The following DPY30 variants were observed in gnomAD, a reference collection of about 807,000 sequenced individuals.
DPY30 encodes the protein protein dpy-30 homolog.
DPY30 carries 6 observed loss-of-function variants against 16.2 expected under a neutral mutation model. The ratio of observed to expected loss-of-function variants is 0.37; its 90% CI spans 0.20 to 0.73. DPY30 has a LOEUF of 0.73. Ranked by LOEUF, DPY30 falls within the 30% of genes least tolerant of loss-of-function variation. DPY30 has a pLI of 0.51. For synonymous variants in DPY30, 39 were observed against 38.8 expected (o/e 1.00, Z -0.02); for missense variants, 73 against 113.1 (o/e 0.65, Z 1.61).
At chr2:32,034,625 C>G (rs1262564848) in intron 3 of DPY30, among the ~76,000 whole-genome samples, 1 of 152,142 alleles carries the variant, frequency 6.6e-6, no homozygotes, top group African/African-American at 2.4e-5. Flanking sequence ...AATATCCAAA[C>G]TATATTACAC....
intron 4 of DPY30, among the ~76,000 whole-genome samples, chr2:32,026,728 C>CAGTG (rs1467784470): frequency 6.6e-6 from 1 of 151,892 alleles, no homozygotes; most frequent in Non-Finnish European, 1.5e-5. Flanking sequence ...GCGGAGGTTG[C>CAGTG]AGTGAGCTGA....
intron 3 of DPY30, among the ~76,000 whole-genome samples, chr2:32,031,831 T>G (rs1321052849): frequency 6.6e-6 from 1 of 151,570 alleles, no homozygotes; most frequent in Non-Finnish European, 1.5e-5. Flanking sequence ...AGGCAGAGGT[T>G]GCAGTGAGCC....
chr2:32,038,671 A>G (rs1675847129), intron 3 of DPY30, among the ~76,000 whole-genome samples: 1 of 106,548 alleles, frequency 9.4e-6, no homozygotes, highest in Non-Finnish European at 1.8e-5. Flanking sequence ...TTTTTTTGAG[A>G]CGGAGTCTCA....
chr2:32,038,413 G>GA (rs1433443480), intron 3 of DPY30, among the ~76,000 whole-genome samples: 1 of 103,404 alleles, frequency 9.7e-6, no homozygotes, highest in African/African-American at 3.5e-5. Flanking sequence ...ATTTTGAGGG[G>GA]GGGGGGGGCG....
intron 4 of DPY30, among the ~76,000 whole-genome samples, chr2:32,027,970 T>A (rs1168396638): frequency 6.6e-6 from 1 of 152,170 alleles, no homozygotes; most frequent in Non-Finnish European, 1.5e-5. Context: ...AGCCAAGATA[T>A]AGCTCAGTCA....
At chr2:32,016,718 C>G (rs1406935085) in intron 5 of DPY30, among the ~76,000 whole-genome samples, 1 of 152,048 alleles carries the variant, frequency 6.6e-6, no homozygotes, top group Non-Finnish European at 1.5e-5. Flanking sequence ...CTAACCCACC[C>G]ACCAACGTAA....
intron 3 of DPY30, 110 bp downstream of exon 3, chr2:32,039,169 A>T: frequency 1.5e-6 from 2 of 1,323,354 alleles, no homozygotes; most frequent in Non-Finnish European, 2.2e-6. Flanking sequence ...TATTCAGTTC[A>T]CGATAACAAA....
At chr2:32,027,874 C>T (rs996042718) in intron 4 of DPY30, among the ~76,000 whole-genome samples, 3 of 151,848 alleles carry the variant, frequency 2.0e-5, no homozygotes, top group Non-Finnish European at 2.9e-5. Context: ...ATGATCTGCC[C>T]GCCTCGGCCT....
At chr2:32,021,632 T>C (rs1239332392), downstream of DPY30, among the ~76,000 whole-genome samples, 1 of 147,810 alleles carries the variant, frequency 6.8e-6, no homozygotes, top group African/African-American at 2.5e-5. Context: ...TGAGCTGAGA[T>C]TGCGCCACTG....
chr2:32,033,217 A>C (rs1044726700), intron 3 of DPY30, among the ~76,000 whole-genome samples: 1 of 152,038 alleles, frequency 6.6e-6, no homozygotes, highest in African/African-American at 2.4e-5. Context: ...CTGAGGCAGG[A>C]GAATTAATTG....
At chr2:32,011,831 A>G (rs578054637), downstream of DPY30, 1 of 152,388 alleles carries the variant, frequency 6.6e-6, no homozygotes, top group African/African-American at 2.4e-5. Flanking sequence ...AGGCAGTAGG[A>G]CTGCCTGAGG....
intron 4 of DPY30, among the ~76,000 whole-genome samples, chr2:32,026,663 C>T (rs1675341766): frequency 6.6e-6 from 1 of 151,822 alleles, no homozygotes; most frequent in South Asian, 2.1e-4. Context: ...CGATGGCAGG[C>T]GCCTGTAGTT....
intron 5 of DPY30, among the ~76,000 whole-genome samples, chr2:32,015,435 T>A (rs1381142504): frequency 6.6e-6 from 1 of 152,206 alleles, no homozygotes; most frequent in Non-Finnish European, 1.5e-5. Flanking sequence ...AGATATTTAA[T>A]AATTCCTGTA....
intron 5 of DPY30, among the ~76,000 whole-genome samples, chr2:32,017,301 A>G (rs1675083971): frequency 6.6e-6 from 1 of 152,190 alleles, no homozygotes; most frequent in Admixed American, 6.5e-5. Context: ...CTGAACTCCT[A>G]AAGCTACTGG....
chr2:32,027,293 G>A (rs1433916636), intron 4 of DPY30, among the ~76,000 whole-genome samples: 7 of 144,286 alleles, frequency 4.9e-5, no homozygotes, highest in South Asian at 2.2e-4. Context: ...AAAAAAACCA[G>A]CTGGGCACAG....
chr2:32,032,508 T>C (rs1675578704), intron 3 of DPY30, among the ~76,000 whole-genome samples: 1 of 152,178 alleles, frequency 6.6e-6, no homozygotes, highest in African/African-American at 2.4e-5. Context: ...CTTCAAAATC[T>C]CACAGTGTAT....
At position 32,028,789 on chromosome 2, in the gene DPY30, CCT is replaced by C. The variant is rs140951359; in HGVS notation, c.227+803_227+804del. 2.9e-3 allele frequency among the ~76,000 whole-genome samples: 439 copies of C among 151,696 alleles called. 4 individuals carry two copies. The highest frequency in any genetic ancestry group is 0.01 in the African/African-American group (414 of 41,352). On this transcript the variant is annotated intron_variant, in intron 4 of 4. Transcript: ENST00000342166. ...CTGGCGACAGAGCGAGACTCCAAAC[CCT>C]GTTTCTACTAAAAATACAATAATCA...
chr2:32,038,409 A>AGGGGG (rs70964748), intron 3 of DPY30, among the ~76,000 whole-genome samples: 6 of 34,274 alleles, frequency 1.8e-4, no homozygotes, highest in Admixed American at 4.6e-4. Context: ...CCTTATTTTG[A>AGGGGG]GGGGGGGGGG....
chr2:32,017,044 G>A lies in DPY30; in HGVS notation n.378-4992C>T, dbSNP rs187618430. Among the ~76,000 whole-genome samples, 505 of 151,846 alleles carry A rather than the reference G, an allele frequency of 3.3e-3. 3 individuals carry two copies. The highest frequency in any genetic ancestry group is 0.012 in the African/African-American group (484 of 41,418). On this transcript the variant is annotated intron_variant and non_coding_transcript_variant, in intron 5 of 5. Transcript: ENST00000414013. ...ATTACAGGTGTCGACCACCACACCCGGCTAATTTTTGTATTTTTCGTAGAG... is the reference window on the plus strand; with the variant it reads ...ATTACAGGTGTCGACCACCACACCCAGCTAATTTTTGTATTTTTCGTAGAG...
Sources: gnomAD v4.1 joint callset for allele counts (sites outside exome capture counted in the v4.1 genomes callset) on GRCh38, gnomAD v4.1.1 for gene constraint, MANE v1.5 for transcripts, NCBI Gene and HGNC (gene_info 2026-07-23, HGNC 2026-07-21) for gene names.